RNF180: variants seen among roughly 807,000 people sequenced by gnomAD.
The protein encoded by RNF180 is E3 ubiquitin-protein ligase RNF180.
A neutral mutation model predicts 59.2 loss-of-function variants in RNF180; 38 were observed. The ratio of observed to expected loss-of-function variants is 0.64; its 90% CI spans 0.50 to 0.84. RNF180 has a LOEUF of 0.84. Ranked by LOEUF, RNF180 falls within the 40% of genes least tolerant of loss-of-function variation. The pLI is 0.00. For synonymous variants in RNF180, 262 were observed against 240.3 expected (o/e 1.09, Z -0.84); for missense variants, 705 against 700.9 (o/e 1.01, Z -0.07).
intron 5 of RNF180, among the ~76,000 whole-genome samples, chr5:64,309,141 G>A (rs1743624535): frequency 6.6e-6 from 1 of 151,642 alleles, no homozygotes; most frequent in Admixed American, 6.6e-5. Context: ...AACAGTCATA[G>A]GAACAAAGGC....
intron 7 of RNF180, among the ~76,000 whole-genome samples, chr5:64,339,486 G>T (rs1161551832): frequency 6.6e-6 from 1 of 152,076 alleles, no homozygotes; most frequent in Non-Finnish European, 1.5e-5. Context: ...AATCAGGTTT[G>T]TATTGGAAAA....
intron 7 of RNF180, among the ~76,000 whole-genome samples, chr5:64,352,517 C>G (rs1483420042): frequency 6.6e-6 from 1 of 151,878 alleles, no homozygotes; most frequent in African/African-American, 2.4e-5. Flanking sequence ...TAGATCTTTC[C>G]TGCTTTCTCT....
chr5:64,272,922 T>G (rs912948784), intron 5 of RNF180, among the ~76,000 whole-genome samples: 1 of 151,876 alleles, frequency 6.6e-6, no homozygotes, highest in Admixed American at 6.6e-5. Context: ...AATGAAAATA[T>G]CCAAAAGACA....
chr5:64,332,711 T>A (rs1471387385), intron 7 of RNF180, among the ~76,000 whole-genome samples: 1 of 152,258 alleles, frequency 6.6e-6, no homozygotes, highest in African/African-American at 2.4e-5. Context: ...TATAATTTCA[T>A]CTTTTATGAA....
intron 1 of RNF180, among the ~76,000 whole-genome samples, chr5:64,197,483 G>T (rs966189135): frequency 6.6e-6 from 1 of 152,114 alleles, no homozygotes; most frequent in African/African-American, 2.4e-5. Flanking sequence ...TAAAACTGCG[G>T]GTCCCTTAGC....
At chr5:64,209,628 C>T (rs1319812286) in intron 2 of RNF180, among the ~76,000 whole-genome samples, 1 of 151,972 alleles carries the variant, frequency 6.6e-6, no homozygotes, top group African/African-American at 2.4e-5. Context: ...TAGAAATTTC[C>T]TCCCTCTCTC....
At position 64,216,357 on chromosome 5, in the gene RNF180, A is replaced by C. The variant is rs192467389; in HGVS notation, c.1192-1004A>C. Reference sequence around the variant, plus strand: ...AATTAATGGCATAGCTGTGCAGTTCATTCCATATTTAATAAAGATTATGTA... The same window carrying C: ...AATTAATGGCATAGCTGTGCAGTTCCTTCCATATTTAATAAAGATTATGTA... On this transcript the variant is annotated intron_variant, in intron 4 of 7. Transcript: ENST00000389100. 4.6e-5 allele frequency among the ~76,000 whole-genome samples: 7 copies of C among 152,308 alleles called. No homozygotes were observed. In the East Asian group the frequency reaches 1.3e-3, roughly 29 times the overall value.
intron 5 of RNF180, among the ~76,000 whole-genome samples, chr5:64,263,911 T>C (rs1744506508): frequency 1.3e-5 from 2 of 152,322 alleles, no homozygotes; most frequent in Admixed American, 1.3e-4. Flanking sequence ...GGGCTAATGT[T>C]TTGATTTAAC....
At chr5:64,320,205 G>T (rs1430203995) in intron 5 of RNF180, among the ~76,000 whole-genome samples, 1 of 152,170 alleles carries the variant, frequency 6.6e-6, no homozygotes, top group African/African-American at 2.4e-5. Context: ...CTGCTAAATT[G>T]TTGGCCTAGT....
At chr5:64,358,601 A>T (rs1041285605) in intron 7 of RNF180, among the ~76,000 whole-genome samples, 43 of 151,928 alleles carry the variant, frequency 2.8e-4, no homozygotes, top group Non-Finnish European at 5.9e-4. Context: ...GTACAGGCCC[A>T]AGTGGTTTTA....
At position 64,214,079 on chromosome 5, in the gene RNF180, G is replaced by A. The variant is rs1339983185; in HGVS notation, c.753G>A (p.Lys251=). The change falls in exon 4 of 8, where the codon AAG becomes AAA. Residue 251 remains lysine, a synonymous_variant. Coordinates refer to ENST00000389100, the MANE Select transcript of RNF180 (RefSeq NM_001113561.2). The part of the protein sequence containing the change: ...LLPTLYEIHS[K]TTAYSRLNET... ...CCACTTTATATGAAATACATAGTAAGACTACTGCCTATTCCAGACTAAATG... is the reference window on the plus strand; with the variant it reads ...CCACTTTATATGAAATACATAGTAAAACTACTGCCTATTCCAGACTAAATG... 1.2e-6 allele frequency: 2 copies of A among 1,613,868 alleles called. No homozygotes were observed. The highest frequency in any genetic ancestry group is 1.1e-5 in the South Asian group (1 of 91,076).
At chr5:64,335,658 C>T (rs1382434126) in intron 7 of RNF180, among the ~76,000 whole-genome samples, 1 of 152,190 alleles carries the variant, frequency 6.6e-6, no homozygotes. Context: ...TATAGCAATA[C>T]CATACTGTTT....
At chr5:64,205,399 A>G (rs1168831448) in intron 2 of RNF180, among the ~76,000 whole-genome samples, 7 of 152,198 alleles carry the variant, frequency 4.6e-5, no homozygotes, top group Non-Finnish European at 1.0e-4. Context: ...CCTGAGATAG[A>G]TGAAATGTGG....
At chr5:64,165,719 A>G (rs1301302225), upstream of RNF180, 1 of 152,212 alleles carries the variant, frequency 6.6e-6, no homozygotes, top group Non-Finnish European at 1.5e-5. Flanking sequence ...ACGTGGGGCG[A>G]GCAGGGCCGC....
chr5:64,200,551 A>G (rs1751690331), intron 1 of RNF180, among the ~76,000 whole-genome samples: 1 of 152,236 alleles, frequency 6.6e-6, no homozygotes, highest in Admixed American at 6.5e-5. Context: ...GAAAAGCAGT[A>G]GATACAAAAC....
At chr5:64,333,242 A>G (rs1744988881) in intron 7 of RNF180, among the ~76,000 whole-genome samples, 1 of 152,116 alleles carries the variant, frequency 6.6e-6, no homozygotes, top group African/African-American at 2.4e-5. Context: ...TAGTGGCGCA[A>G]TCTCAGCTCA....
chr5:64,249,276 T>C lies in RNF180; in HGVS notation c.1227+31880T>C, dbSNP rs75769792. ...ATAAAAAAAGAAAAAATAAGCTCAC[T>C]GTCAAAACTTAAAGACAGAGAGGAT... On this transcript the variant is annotated intron_variant, in intron 5 of 7. Coordinates refer to ENST00000389100, the MANE Select transcript of RNF180 (RefSeq NM_001113561.2). Among the ~76,000 whole-genome samples the C allele has an allele frequency of 5.8e-4, 88 of 152,076 alleles. No individual in the cohort carries two copies. The East Asian group carries it at 0.011, about 19-fold the overall frequency.
chr5:64,356,367 C>T (rs2112594398), intron 7 of RNF180, among the ~76,000 whole-genome samples: 1 of 151,906 alleles, frequency 6.6e-6, no homozygotes, highest in African/African-American at 2.4e-5. Context: ...CTGATAATGA[C>T]TTAATATCCA....
At chr5:64,242,649 G>A (rs1378017427) in intron 5 of RNF180, among the ~76,000 whole-genome samples, 1 of 152,002 alleles carries the variant, frequency 6.6e-6, no homozygotes, top group East Asian at 1.9e-4. Flanking sequence ...AAAGATAAAG[G>A]GAAAGAAAGC....
Sources: allele counts gnomAD v4.1 joint callset (sites outside exome capture counted in the v4.1 genomes callset), GRCh38; gene constraint gnomAD v4.1.1; transcripts MANE v1.5; gene names NCBI Gene and HGNC (gene_info 2026-07-23, HGNC 2026-07-21).